Variants in EPHA6 observed in about 807,000 individuals in gnomAD.
EPHA6 encodes the protein ephrin type-A receptor 6.
A neutral mutation model predicts 112.0 loss-of-function variants in EPHA6; 50 were observed. The ratio of observed to expected loss-of-function variants is 0.45; its 90% CI spans 0.36 to 0.56. EPHA6 has a LOEUF of 0.56. EPHA6 is among the 20% of genes least tolerant of loss of function. The pLI, the probability that EPHA6 is intolerant of heterozygous loss-of-function variation, is 0.00. For synonymous variants in EPHA6, 529 were observed against 490.7 expected, an observed-to-expected ratio of 1.08 and a Z score of -1.03; for missense variants, 1,280 against 1,417.4, an observed-to-expected ratio of 0.90 and a Z score of 1.56.
chr3:97,104,241 C>T (rs2047495982), intron 3 of EPHA6, among the ~76,000 whole-genome samples: 2 of 152,118 alleles, frequency 1.3e-5, no homozygotes, highest in South Asian at 4.1e-4. Context: ...AAATATAATG[C>T]TTCCAGCGTT....
At chr3:97,318,168 G>A (rs910777279) in intron 5 of EPHA6, among the ~76,000 whole-genome samples, 3 of 151,844 alleles carry the variant, frequency 2.0e-5, no homozygotes, top group Non-Finnish European at 4.4e-5. Context: ...ACATTTTAAC[G>A]TTAAAGTCCA....
At chr3:96,872,016 G>C (rs2107474972) in intron 2 of EPHA6, among the ~76,000 whole-genome samples, 1 of 152,072 alleles carries the variant, frequency 6.6e-6, no homozygotes, top group East Asian at 1.9e-4. Flanking sequence ...AAGTAAACCT[G>C]GATACTCACT....
intron 3 of EPHA6, among the ~76,000 whole-genome samples, chr3:96,995,144 A>G (rs2043373352): frequency 6.6e-6 from 1 of 152,066 alleles, no homozygotes. Context: ...TTAAGGCTTC[A>G]TGGCGCAATC....
chr3:97,335,808 CT>C (rs2083028594), intron 5 of EPHA6, among the ~76,000 whole-genome samples: 1 of 152,112 alleles, frequency 6.6e-6, no homozygotes, highest in African/African-American at 2.4e-5. Context: ...TCACATCAGT[CT>C]CCCCAAGAAT....
At chr3:97,141,614 CA>C (rs1393245967) in intron 3 of EPHA6, among the ~76,000 whole-genome samples, 1 of 151,582 alleles carries the variant, frequency 6.6e-6, no homozygotes, top group African/African-American at 2.4e-5. Context: ...AATTAAATAA[CA>C]AATCAAAAAC....
intron 8 of EPHA6, among the ~76,000 whole-genome samples, chr3:97,475,984 C>T (rs1238945105): frequency 2.0e-5 from 3 of 151,928 alleles, no homozygotes; most frequent in Non-Finnish European, 4.4e-5. Context: ...TGAATCCTGA[C>T]TAACTGGTCC....
intron 16 of EPHA6, among the ~76,000 whole-genome samples, chr3:97,741,205 T>C (rs999903059): frequency 1.7e-4 from 26 of 151,584 alleles, no homozygotes; most frequent in Non-Finnish European, 4.4e-5. Context: ...AAACTAAAAT[T>C]AGCCAGGCAT....
At chr3:97,481,706 C>G (rs565197760) in intron 9 of EPHA6, among the ~76,000 whole-genome samples, 393 of 152,218 alleles carry the variant, frequency 2.6e-3, no homozygotes, top group Admixed American at 6.7e-3. Flanking sequence ...GCCCCGCCCC[C>G]TGTGAGGAAC....
At chr3:97,406,813 T>C (rs2087378098) in intron 6 of EPHA6, among the ~76,000 whole-genome samples, 1 of 152,160 alleles carries the variant, frequency 6.6e-6, no homozygotes, top group African/African-American at 2.4e-5. Flanking sequence ...CAAATTATCC[T>C]GGCCAATATG....
intron 3 of EPHA6, among the ~76,000 whole-genome samples, chr3:97,200,692 A>G (rs1047424800): frequency 6.6e-6 from 1 of 152,128 alleles, no homozygotes; most frequent in South Asian, 2.1e-4. Context: ...AATAGTTACT[A>G]AAATCTTGCT....
At chr3:96,910,269 C>G (rs927379866) in intron 2 of EPHA6, among the ~76,000 whole-genome samples, 3 of 151,964 alleles carry the variant, frequency 2.0e-5, no homozygotes, top group African/African-American at 7.2e-5. Flanking sequence ...CAGTCTTGAT[C>G]CCTTTCTACC....
At chr3:97,400,597 T>C (rs1336373194) in intron 5 of EPHA6, among the ~76,000 whole-genome samples, 1 of 151,698 alleles carries the variant, frequency 6.6e-6, no homozygotes, top group African/African-American at 2.4e-5. Context: ...TCTTAAAGTT[T>C]TTCATCACTG....
At chr3:97,248,476 A>G (rs937270915) in intron 5 of EPHA6, among the ~76,000 whole-genome samples, 3 of 152,092 alleles carry the variant, frequency 2.0e-5, no homozygotes, top group Non-Finnish European at 4.4e-5. Context: ...GTCGACCCAA[A>G]ACAAATTGTG....
intron 3 of EPHA6, among the ~76,000 whole-genome samples, chr3:97,164,335 T>A (rs1413078473): frequency 6.6e-6 from 1 of 152,182 alleles, no homozygotes; most frequent in Admixed American, 6.5e-5. Context: ...TGCCTCCACG[T>A]AACCACAGAT....
intron 7 of EPHA6, among the ~76,000 whole-genome samples, chr3:97,472,218 C>G (rs2107448369): frequency 6.6e-6 from 1 of 151,710 alleles, no homozygotes; most frequent in South Asian, 2.1e-4. Context: ...TTCCTGCTCT[C>G]ATTGAATTTG....
chr3:96,888,976 A>G (rs139973232), intron 2 of EPHA6, among the ~76,000 whole-genome samples: 2 of 152,014 alleles, frequency 1.3e-5, no homozygotes, highest in African/African-American at 4.8e-5. Context: ...CTGCTTGGAA[A>G]TTTCTTCCGC....
At chr3:96,965,192 G>A (rs2042081663) in intron 2 of EPHA6, among the ~76,000 whole-genome samples, 2 of 152,104 alleles carry the variant, frequency 1.3e-5, no homozygotes, top group East Asian at 1.9e-4. Flanking sequence ...ATATTCCTAA[G>A]TTAGTTTTCA....
At chr3:97,719,753 T>A (rs920991361) in intron 14 of EPHA6, among the ~76,000 whole-genome samples, 2 of 152,210 alleles carry the variant, frequency 1.3e-5, no homozygotes, top group Non-Finnish European at 2.9e-5. Flanking sequence ...AAAATAAATG[T>A]AATCATAGCA....
intron 1 of EPHA6, among the ~76,000 whole-genome samples, chr3:96,816,109 G>A (rs952989865): frequency 2.6e-5 from 4 of 152,164 alleles, no homozygotes; most frequent in African/African-American, 9.7e-5. Context: ...AGAAGGTTAA[G>A]GGAGAAGATA....
Sources: allele counts gnomAD v4.1 joint callset (sites outside exome capture counted in the v4.1 genomes callset), GRCh38; gene constraint gnomAD v4.1.1; transcripts MANE v1.5; gene names NCBI Gene and HGNC (gene_info 2026-07-23, HGNC 2026-07-21).